Variants in FYTTD1 observed in about 807,000 individuals in gnomAD.
The protein encoded by FYTTD1 is forty-two-three domain containing 1, also known as UAP56-interacting factor.
A neutral mutation model predicts 40.9 loss-of-function variants in FYTTD1; 22 were observed. That is an observed-to-expected ratio of 0.54 (90% CI 0.38 to 0.77). The LOEUF (loss-of-function observed/expected upper bound fraction) is 0.77. Ranked by LOEUF, FYTTD1 falls within the 30% of genes least tolerant of loss-of-function variation. The probability of loss-of-function intolerance (pLI) is 0.00; values close to 1 mark genes in which losing one functional copy is unlikely to be tolerated. For missense variants in FYTTD1, 351 were observed against 392.2 expected, an observed-to-expected ratio of 0.90 and a Z score of 0.89; for synonymous variants, 140 against 137.9, an observed-to-expected ratio of 1.01 and a Z score of -0.10.
chr3:197,770,603 T>C (rs934482022), intron 4 of FYTTD1, among the ~76,000 whole-genome samples: 3 of 152,220 alleles, frequency 2.0e-5, no homozygotes, highest in African/African-American at 7.2e-5. Flanking sequence ...TGGAGTGCAG[T>C]GGCGCCATCA....
At chr3:197,762,443 G>C (rs1399333430) in intron 2 of FYTTD1, among the ~76,000 whole-genome samples, 2 of 151,482 alleles carry the variant, frequency 1.3e-5, no homozygotes, top group Non-Finnish European at 2.9e-5. Flanking sequence ...ATAAAAATTA[G>C]CCGGGCATGG....
At position 197,778,463 on chromosome 3, in the gene FYTTD1, A is replaced by G; in HGVS notation, c.857A>G (p.Gln286Arg). ...TTTGACATAAACAGTGTCGGAAAAC[A>G]GGTAAAAAAACGTTTTCTGTATTTT... Reference protein sequence around the residue: ...LQFDINSVGKQTGMTLNERFG... With the variant: ...LQFDINSVGKRTGMTLNERFG... The change falls in exon 8 of 9, where the codon CAG (glutamine) becomes CGG (arginine). Residue 286 changes from glutamine to arginine, a missense_variant and splice_region_variant. By Grantham distance (43) the Gln-to-Arg change is conservative. Transcript: ENST00000241502. The G allele has an allele frequency of 6.3e-7, 1 of 1,594,020 alleles. No individual in the cohort carries two copies. The highest frequency in any genetic ancestry group is 8.5e-7 in the Non-Finnish European group (1 of 1,169,694).
chr3:197,777,650 C>G (rs945218603), intron 7 of FYTTD1, among the ~76,000 whole-genome samples: 1 of 152,146 alleles, frequency 6.6e-6, no homozygotes, highest in Non-Finnish European at 1.5e-5. Flanking sequence ...TACAGACCTA[C>G]GTTCTCTTTA....
intron 1 of FYTTD1, chr3:197,750,283 C>T (rs955054793): frequency 2.9e-6 from 3 of 1,020,598 alleles, no homozygotes; most frequent in Admixed American, 4.4e-5. Context: ...CCGGGCGTCC[C>T]CTCGGCCGCG....
intron 1 of FYTTD1, among the ~76,000 whole-genome samples, chr3:197,752,463 T>C (rs1729089233): frequency 6.6e-6 from 1 of 152,162 alleles, no homozygotes; most frequent in African/African-American, 2.4e-5. Flanking sequence ...ACACTATATA[T>C]ATGTGTGTAT....
chr3:197,774,920 G>A (rs531021140), intron 6 of FYTTD1, among the ~76,000 whole-genome samples: 4 of 152,294 alleles, frequency 2.6e-5, no homozygotes, highest in African/African-American at 7.2e-5. Context: ...AAACATTGAG[G>A]CTAAAATAAA....
At chr3:197,778,613 C>CATTTTTG (rs1485040755) in intron 8 of FYTTD1, 149 bp downstream of exon 8, 3 of 586,412 alleles carry the variant, frequency 5.1e-6, no homozygotes, top group Admixed American at 6.5e-5. Context: ...CTGCCATTTG[C>CATTTTTG]CTATTTTGAC....
At chr3:197,756,855 C>T (rs1729229252) in intron 2 of FYTTD1, among the ~76,000 whole-genome samples, 1 of 152,198 alleles carries the variant, frequency 6.6e-6, no homozygotes. Context: ...GAGCTCCTAT[C>T]TTCATCCAAG....
intron 2 of FYTTD1, among the ~76,000 whole-genome samples, chr3:197,760,897 T>C (rs552213293): frequency 4.0e-4 from 59 of 148,360 alleles, no homozygotes; most frequent in African/African-American, 1.4e-3. Context: ...TGTATAGAGT[T>C]GTTCCTCAGT....
rs1730092704 is a variant in FYTTD1, at chr3:197,783,870, A to T, written c.*1961A>T. ...ACTTTAAAAATTGCCCCAAATACTG[A>T]CATTGAGTGCATTAAATAACAAATT... On this transcript the variant is annotated 3_prime_UTR_variant, in exon 9 of 9. Transcript: ENST00000241502. 2 of 152,624 alleles carry T rather than the reference A, an allele frequency of 1.3e-5. No homozygotes were observed. The highest frequency in any genetic ancestry group is 1.5e-5 in the Non-Finnish European group (1 of 68,040). The allele number at this position is 152,624 out of a possible 1,614,324, so 9.5% of individuals were successfully genotyped here.
At position 197,784,346 on chromosome 3, in the gene FYTTD1, T is replaced by C. The variant is rs572271626; in HGVS notation, c.*2437T>C. 2.6e-5 allele frequency: 4 copies of C among 152,392 alleles called. No homozygotes were observed. The East Asian group carries it at 7.7e-4, about 29-fold the overall frequency. The allele number at this position is 152,392 out of a possible 1,614,324, so 9.4% of individuals were successfully genotyped here. On this transcript the variant is annotated 3_prime_UTR_variant, in exon 9 of 9. Coordinates refer to ENST00000241502, the MANE Select transcript of FYTTD1 (RefSeq NM_032288.7). ...GAGTTGTGGTTTTTAGATTGTTCTA[T>C]GTTACGAAGAACTTTGTAGTGGTTA...
chr3:197,776,809 TATTTCTTACA>T, intron 6 of FYTTD1, 108 bp from the exon 7 acceptor site: 1 of 652,040 alleles, frequency 1.5e-6, no homozygotes, highest in Non-Finnish European at 2.6e-6. Flanking sequence ...TTCAGGTACT[TATTTCTTACA>T]AGCTAAGAAA....
chr3:197,757,276 G>T (rs1024357949), intron 2 of FYTTD1, among the ~76,000 whole-genome samples: 1 of 152,088 alleles, frequency 6.6e-6, no homozygotes, highest in African/African-American at 2.4e-5. Context: ...AATATATATG[G>T]CTTGTTAACT....
intron 1 of FYTTD1, chr3:197,750,700 T>C: frequency 1.0e-6 from 1 of 985,374 alleles, no homozygotes; most frequent in Non-Finnish European, 1.2e-6. Flanking sequence ...TGGGATGTGG[T>C]TGTGTATTGA....
chr3:197,749,678 T>C (rs1343411965), upstream of FYTTD1: 3 of 706,352 alleles, frequency 4.2e-6, no homozygotes, highest in Admixed American at 2.2e-5. Flanking sequence ...TCCCCCAGTT[T>C]GGGCGGAAAG....
At chr3:197,752,451 A>G (rs996766499) in intron 1 of FYTTD1, among the ~76,000 whole-genome samples, 7 of 152,214 alleles carry the variant, frequency 4.6e-5, no homozygotes, top group African/African-American at 1.7e-4. Flanking sequence ...ATTTTTCCAC[A>G]TACACTATAT....
chr3:197,764,645 C>T lies in FYTTD1; in HGVS notation c.236-3794C>T, dbSNP rs530764115. ...AATGGTGTGAACCCGGGAGGCGGAG[C>T]TTGCAGTGAGCCGAGATCGCGCCGC... On this transcript the variant is annotated intron_variant, in intron 2 of 8. Transcript: ENST00000241502. Among the ~76,000 whole-genome samples the T allele has an allele frequency of 2.7e-3, 396 of 144,834 alleles. 1 individual carries two copies. Among genetic ancestry groups the T allele is most frequent in the African/African-American group, 9.8e-3 (383 of 39,238 alleles).
At chr3:197,755,601 A>C in intron 1 of FYTTD1, 3 of 209,048 alleles carry the variant, frequency 1.4e-5, no homozygotes, top group Non-Finnish European at 2.7e-5. Context: ...ATGCACCGCC[A>C]TACCCGGCTA....
chr3:197,770,324 A>G, intron 4 of FYTTD1, 80 bp downstream of exon 4: 1 of 893,220 alleles, frequency 1.1e-6, no homozygotes, highest in Non-Finnish European at 1.8e-6. Flanking sequence ...ATGGATTTGC[A>G]GTGATTTTTT....
Sources: gnomAD v4.1 joint callset for allele counts (sites outside exome capture counted in the v4.1 genomes callset) on GRCh38, gnomAD v4.1.1 for gene constraint, MANE v1.5 for transcripts, NCBI Gene and HGNC (gene_info 2026-07-23, HGNC 2026-07-21) for gene names.